Variants in CTSH observed in about 807,000 individuals in gnomAD.
The protein encoded by CTSH is cathepsin H.
Under a neutral mutation model 56.3 loss-of-function variants are expected in CTSH, and 52 were observed. The ratio of observed to expected loss-of-function variants is 0.92; its 90% CI spans 0.74 to 1.16. The LOEUF is 1.16. CTSH is among the 50% of genes most tolerant of loss of function. The pLI, the probability that CTSH is intolerant of heterozygous loss-of-function variation, is 0.00. For missense variants in CTSH, 406 were observed against 424.5 expected (o/e 0.96, Z 0.38); for synonymous variants, 174 against 155.7 (o/e 1.12, Z -0.88).
At chr15:78,935,884 T>C (rs962615356) in intron 3 of CTSH, 134 bp from the exon 4 acceptor site, 3 of 618,222 alleles carry the variant, frequency 4.9e-6, no homozygotes, top group East Asian at 2.8e-5. Flanking sequence ...CTTTAAGTTT[T>C]TGTATTTAAT....
chr15:78,922,103 G>T lies in CTSH; in HGVS notation c.*27C>A, dbSNP rs767856662. 1.3e-6 allele frequency: 2 copies of T among 1,549,244 alleles called. No homozygotes were observed. The highest frequency in any genetic ancestry group is 2.4e-5 in the East Asian group (1 of 41,246). ...AGGCTGCCCGTTCCTCTCCTTCTCC[G>T]CCAGTCTGCGCTGCGGCTGCCACGG... On this transcript the variant is annotated 3_prime_UTR_variant, in exon 12 of 12. Coordinates refer to ENST00000220166, the MANE Select transcript of CTSH (RefSeq NM_004390.5).
intron 8 of CTSH, among the ~76,000 whole-genome samples, chr15:78,928,041 AACTC>A (rs1239165983): frequency 1.3e-5 from 2 of 152,088 alleles, no homozygotes; most frequent in South Asian, 2.1e-4. Context: ...GGCCTGAGGA[AACTC>A]ACTGAGAAGT....
intron 9 of CTSH, chr15:78,926,995 C>CA (rs2054919224): frequency 6.6e-6 from 1 of 152,308 alleles, no homozygotes. Context: ...TGGGCGCACA[C>CA]ACAACCTAAG....
chr15:78,935,144 C>T lies in CTSH; in HGVS notation c.301-62G>A. On this transcript the variant is annotated intron_variant, in intron 4 of 11. Coordinates refer to ENST00000220166, the MANE Select transcript of CTSH (RefSeq NM_004390.5). ...ACAAAACCAAAAACCTTTCTGACAA[C>T]AAGAAGAAGAAATGTATAAACATGG... The T allele has an allele frequency of 4.4e-6, 5 of 1,123,892 alleles. No individual in the cohort carries two copies. The South Asian group carries it at 6.6e-5, about 15-fold the overall frequency. The allele number at this position is 1,123,892 out of a possible 1,614,324, so 69.6% of individuals were successfully genotyped here.
intron 8 of CTSH, among the ~76,000 whole-genome samples, chr15:78,929,051 A>G (rs1047388514): frequency 6.6e-6 from 1 of 152,090 alleles, no homozygotes; most frequent in Non-Finnish European, 1.5e-5. Flanking sequence ...GGTCCTTGGC[A>G]CAAGAGGCCA....
intron 9 of CTSH, chr15:78,926,404 AG>A (rs2141522631): frequency 6.6e-6 from 1 of 152,610 alleles, no homozygotes; most frequent in East Asian, 1.9e-4. Context: ...AGCCCAGCAC[AG>A]GGGCGATGAC....
chr15:78,927,429 G>A, intron 9 of CTSH: 1 of 500,394 alleles, frequency 2.0e-6, no homozygotes, highest in Non-Finnish European at 3.6e-6. Flanking sequence ...GCAGGATGCG[G>A]ACAATTGCTT....
intron 2 of CTSH, among the ~76,000 whole-genome samples, chr15:78,938,339 A>G (rs970217744): frequency 1.3e-5 from 2 of 152,052 alleles, no homozygotes; most frequent in African/African-American, 4.8e-5. Flanking sequence ...ACTGCACTTC[A>G]GCCTGGGTGA....
intron 2 of CTSH, chr15:78,937,670 G>T (rs1567374682): frequency 7.2e-7 from 1 of 1,388,794 alleles, no homozygotes; most frequent in Non-Finnish European, 9.5e-7. Flanking sequence ...GGTCCAAGAG[G>T]CACTGGTGAA....
chr15:78,945,042 C>A lies in CTSH; in HGVS notation c.-61G>T. 2 of 1,296,222 alleles carry A rather than the reference C, an allele frequency of 1.5e-6. No individual in the cohort carries two copies. The highest frequency in any genetic ancestry group is 2.0e-6 in the Non-Finnish European group (2 of 1,001,296). The allele number at this position is 1,296,222 out of a possible 1,614,324, so 80.3% of individuals were successfully genotyped here. ...CCGCGGAGGTGGCGGCCCAGAGCGT[C>A]AACTGGGAGCGCGGGGGGGGAGCGG... On this transcript the variant is annotated 5_prime_UTR_variant, in exon 1 of 12. Transcript: ENST00000220166.
chr15:78,932,049 G>C, intron 6 of CTSH: 2 of 1,218,738 alleles, frequency 1.6e-6, no homozygotes, highest in African/African-American at 1.5e-5. Context: ...CTGCTGGGAA[G>C]GGTGTAGCTC....
chr15:78,923,821 G>A (rs2054831401), intron 10 of CTSH, among the ~76,000 whole-genome samples: 1 of 152,130 alleles, frequency 6.6e-6, no homozygotes, highest in Non-Finnish European at 1.5e-5. Context: ...AACTTTTTCT[G>A]TTTACAAAAG....
intron 7 of CTSH, among the ~76,000 whole-genome samples, chr15:78,930,252 G>A (rs779527378): frequency 3.8e-4 from 58 of 152,246 alleles, no homozygotes; most frequent in South Asian, 8.3e-4. Context: ...CAGGCTGGAT[G>A]TGGTGGCTCA....
intron 11 of CTSH, among the ~76,000 whole-genome samples, chr15:78,922,615 C>T (rs1387504360): frequency 6.6e-6 from 1 of 152,220 alleles, no homozygotes; most frequent in Admixed American, 6.5e-5. Flanking sequence ...CCAGCCTTTT[C>T]TCCCGGAAGG....
At chr15:78,939,303 A>T in intron 1 of CTSH, 132 bp from the exon 2 acceptor site, 2 of 652,018 alleles carry the variant, frequency 3.1e-6, no homozygotes, top group Non-Finnish European at 5.2e-6. Flanking sequence ...AAATGGTGTT[A>T]TATAATGCAG....
intron 10 of CTSH, among the ~76,000 whole-genome samples, chr15:78,923,567 G>T (rs936720587): frequency 6.6e-6 from 1 of 152,168 alleles, no homozygotes; most frequent in Non-Finnish European, 1.5e-5. Flanking sequence ...GGGATTGCAG[G>T]TGTGAGCCAC....
intron 7 of CTSH, among the ~76,000 whole-genome samples, chr15:78,929,739 C>T (rs2055006371): frequency 6.6e-6 from 1 of 152,170 alleles, no homozygotes; most frequent in East Asian, 1.9e-4. Context: ...TTAAGGCCAG[C>T]CGCTCTGTCA....
intron 2 of CTSH, 81 bp from the exon 3 acceptor site, chr15:78,937,504 G>C: frequency 6.4e-6 from 9 of 1,407,790 alleles, no homozygotes; most frequent in Non-Finnish European, 8.8e-6. Flanking sequence ...TTCCTAAGAG[G>C]AAAGATGAAG....
chr15:78,936,424 GGATTA>G (rs2055178644), intron 3 of CTSH, among the ~76,000 whole-genome samples: 1 of 151,240 alleles, frequency 6.6e-6, no homozygotes, highest in African/African-American at 2.4e-5. Context: ...CTGTCTTTAG[GGATTA>G]TAGGTGTGGG....
Sources: allele counts gnomAD v4.1 joint callset (sites outside exome capture counted in the v4.1 genomes callset), GRCh38; gene constraint gnomAD v4.1.1; transcripts MANE v1.5; gene names NCBI Gene and HGNC (gene_info 2026-07-23, HGNC 2026-07-21).